The following SRGAP3 variants were observed in gnomAD, a reference collection of about 807,000 sequenced individuals.
SRGAP3 encodes SLIT-ROBO Rho GTPase-activating protein 3.
A neutral mutation model predicts 121.1 loss-of-function variants in SRGAP3; 39 were observed. The observed-to-expected ratio is 0.32, with a 90% CI of 0.25 to 0.42. The LOEUF is 0.42. Ranked by LOEUF, SRGAP3 falls within the 10% of genes least tolerant of loss-of-function variation. The pLI is 1.00. For missense variants in SRGAP3, 1,213 were observed against 1,470.6 expected (o/e 0.82, Z 2.86); for synonymous variants, 601 against 570.0 (o/e 1.05, Z -0.77).
At chr3:9,178,727 C>T (rs1239864083) in intron 1 of SRGAP3, among the ~76,000 whole-genome samples, 3 of 152,288 alleles carry the variant, frequency 2.0e-5, no homozygotes, top group Middle Eastern at 3.4e-3. Flanking sequence ...TGGATCCCTC[C>T]CTTCTCCTAC....
In SRGAP3 at chr3:9,028,270, C is replaced by G. The variant is rs562147116; in HGVS notation, c.1540-1275G>C. 25 of 1,207,768 alleles carry G rather than the reference C, an allele frequency of 2.1e-5. No homozygotes were observed. The African/African-American group carries it at 2.9e-4, about 14-fold the overall frequency. 74.8% of individuals were successfully genotyped at this position (1,207,768 alleles called of 1,614,324 possible). A position where few individuals can be genotyped will look rare whatever the true frequency, so the allele number is the denominator to read the frequency against. On this transcript the variant is annotated intron_variant, in intron 12 of 21. Coordinates refer to ENST00000383836, the MANE Select transcript of SRGAP3 (RefSeq NM_014850.4). The stretch of plus-strand genomic sequence containing the variant: ...GGCAGCCAGCCAAGGTCCTGGGGAG[C>G]CTGCCAAACAGCCGGCCTGTGGGGA...
At chr3:9,028,014 G>A in intron 12 of SRGAP3, 5 of 1,515,758 alleles carry the variant, frequency 3.3e-6, no homozygotes, top group Non-Finnish European at 3.7e-6. Context: ...ATCAGCAACA[G>A]GCAAGGTGGG....
chr3:9,219,832 C>G (rs536041453), intron 1 of SRGAP3, among the ~76,000 whole-genome samples: 1 of 151,952 alleles, frequency 6.6e-6, no homozygotes, highest in African/African-American at 2.4e-5. Context: ...GCCTGGGCGA[C>G]AGAGTACAAA....
chr3:9,003,529 C>T (rs1453710073), intron 18 of SRGAP3, among the ~76,000 whole-genome samples: 1 of 151,458 alleles, frequency 6.6e-6, no homozygotes, highest in Non-Finnish European at 1.5e-5. Flanking sequence ...GAGCCAAATG[C>T]AGTAGCATAA....
intron 1 of SRGAP3, among the ~76,000 whole-genome samples, chr3:9,246,615 T>C (rs1953833611): frequency 6.6e-6 from 1 of 152,180 alleles, no homozygotes; most frequent in South Asian, 2.1e-4. Flanking sequence ...CTAACCCTAC[T>C]GTACATTGTG....
intron 1 of SRGAP3, among the ~76,000 whole-genome samples, chr3:9,246,032 T>C (rs1383517552): frequency 1.3e-5 from 2 of 152,212 alleles, no homozygotes; most frequent in Non-Finnish European, 2.9e-5. Context: ...TGCAAGCATA[T>C]GGTTTACTAC....
chr3:9,253,111 C>T (rs931748668), upstream of SRGAP3, among the ~76,000 whole-genome samples: 2 of 152,146 alleles, frequency 1.3e-5, no homozygotes, highest in East Asian at 1.9e-4. Flanking sequence ...GTAAATCATC[C>T]TTGTTTTGAA....
At chr3:9,118,683 A>T (rs1948892137) in intron 2 of SRGAP3, among the ~76,000 whole-genome samples, 1 of 127,432 alleles carries the variant, frequency 7.8e-6, no homozygotes, top group Admixed American at 8.5e-5. Context: ...TTAAATGCAG[A>T]TTGCCAGGCC....
intron 2 of SRGAP3, among the ~76,000 whole-genome samples, chr3:9,107,508 A>G (rs1948460046): frequency 6.6e-6 from 1 of 152,156 alleles, no homozygotes; most frequent in African/African-American, 2.4e-5. Context: ...TGCTCTTCTC[A>G]TGAATGCCTG....
At chr3:9,204,274 A>G (rs1429620957) in intron 1 of SRGAP3, among the ~76,000 whole-genome samples, 1 of 152,246 alleles carries the variant, frequency 6.6e-6, no homozygotes, top group Admixed American at 6.5e-5. Flanking sequence ...CACAGAAGTG[A>G]CAGCCTCAGG....
chr3:9,108,673 C>T (rs560404016), intron 2 of SRGAP3, among the ~76,000 whole-genome samples: 37 of 152,168 alleles, frequency 2.4e-4, no homozygotes, highest in Middle Eastern at 3.4e-3. Context: ...GTTATTTCAG[C>T]AGAGGTAGGA....
chr3:9,251,990 A>T (rs563065293), upstream of SRGAP3, among the ~76,000 whole-genome samples: 1 of 152,274 alleles, frequency 6.6e-6, no homozygotes, highest in African/African-American at 2.4e-5. Context: ...AGTCTCACAG[A>T]CATAATTTCT....
At position 9,349,008 on chromosome 3, in the gene SRGAP3, C is replaced by G. The variant is rs746258222; in HGVS notation, n.214+13832G>C. The G allele has an allele frequency of 2.8e-5, 26 of 932,856 alleles. No individual in the cohort carries two copies. The South Asian group carries it at 2.8e-4, about 10-fold the overall frequency. 57.8% of individuals were successfully genotyped at this position (932,856 alleles called of 1,614,324 possible). A position where few individuals can be genotyped will look rare whatever the true frequency, so the allele number is the denominator to read the frequency against. On this transcript the variant is annotated intron_variant and non_coding_transcript_variant, in intron 1 of 3. Transcript: ENST00000490889. ...ATTGCAGCCCATGGCAACAGCCCCCCGGGCATTGTCAAGCATCTGGAGGGC... is the reference window on the plus strand; with the variant it reads ...ATTGCAGCCCATGGCAACAGCCCCCGGGGCATTGTCAAGCATCTGGAGGGC...
intron 1 of SRGAP3, among the ~76,000 whole-genome samples, chr3:9,356,960 T>G (rs1175849300): frequency 2.0e-5 from 3 of 152,170 alleles, no homozygotes; most frequent in African/African-American, 7.2e-5. Context: ...TTTGTATTTT[T>G]TTATATTATT....
At chr3:9,155,773 CCTG>C (rs1276316886) in intron 1 of SRGAP3, among the ~76,000 whole-genome samples, 2 of 152,058 alleles carry the variant, frequency 1.3e-5, no homozygotes, top group East Asian at 1.9e-4. Flanking sequence ...TTGGTTTCTG[CCTG>C]CTTTTTATTT....
At chr3:9,215,485 G>A (rs1232608113) in intron 1 of SRGAP3, among the ~76,000 whole-genome samples, 1 of 152,190 alleles carries the variant, frequency 6.6e-6, no homozygotes, top group African/African-American at 2.4e-5. Context: ...TCTGCTCAAT[G>A]CTGATGCTTC....
intron 1 of SRGAP3, among the ~76,000 whole-genome samples, chr3:9,234,183 GAT>G (rs2125225687): frequency 6.6e-6 from 1 of 152,300 alleles, no homozygotes; most frequent in African/African-American, 2.4e-5. Context: ...GGGTCCAGAA[GAT>G]CGGAGCAAGA....
At chr3:9,147,109 T>A (rs1277649209) in intron 1 of SRGAP3, among the ~76,000 whole-genome samples, 1 of 152,218 alleles carries the variant, frequency 6.6e-6, no homozygotes, top group African/African-American at 2.4e-5. Flanking sequence ...CCATTCCCAT[T>A]GTCAAGATGA....
At chr3:9,033,730 C>T (rs936113706) in intron 11 of SRGAP3, 1 of 152,242 alleles carries the variant, frequency 6.6e-6, no homozygotes. Flanking sequence ...GCCTCAAGTA[C>T]ATTTTCAATT....
Sources: allele counts gnomAD v4.1 joint callset (sites outside exome capture counted in the v4.1 genomes callset), GRCh38; gene constraint gnomAD v4.1.1; transcripts MANE v1.5; gene names NCBI Gene and HGNC (gene_info 2026-07-23, HGNC 2026-07-21).